The following MCMDC2 variants were observed in gnomAD, a reference collection of about 807,000 sequenced individuals.
MCMDC2 encodes the protein minichromosome maintenance domain-containing protein 2.
A neutral mutation model predicts 75.8 loss-of-function variants in MCMDC2; 54 were observed. The ratio of observed to expected loss-of-function variants is 0.71; its 90% CI spans 0.57 to 0.89. MCMDC2 has a LOEUF of 0.89. Ranked by LOEUF, MCMDC2 falls within the 40% of genes least tolerant of loss-of-function variation. MCMDC2 has a pLI of 0.00. For missense variants in MCMDC2, 656 were observed against 780.4 expected (o/e 0.84, Z 1.90); for synonymous variants, 249 against 274.6 (o/e 0.91, Z 0.92).
At chr8:66,881,108 A>G in intron 8 of MCMDC2, 134 bp downstream of exon 8, 1 of 666,580 alleles carries the variant, frequency 1.5e-6, no homozygotes, top group Non-Finnish European at 2.1e-6. Context: ...CAGGACAGTC[A>G]AGGTTTCTGT....
In MCMDC2 at chr8:66,883,942, G is replaced by A. The variant is rs1811712378; in HGVS notation, c.1021G>A (p.Glu341Lys). The A allele has an allele frequency of 1.2e-6, 2 of 1,613,950 alleles. No individual in the cohort carries two copies. The highest frequency in any genetic ancestry group is 2.2e-5 in the East Asian group (1 of 44,858). Residue 341 changes from glutamate to lysine, a missense_variant, in exon 9 of 15, where the codon GAA (glutamate) becomes AAA (lysine). Glu to Lys is a moderately conservative substitution (Grantham distance 56). Transcript: ENST00000422365. ...GACAACTGACCGTAACAAGGAACTG[G>A]AAGATTGCCTGGATATTTTAATTAT... Reference protein sequence around the residue: ...VQTTDRNKELEDCLDILIITS... With the variant: ...VQTTDRNKELKDCLDILIITS...
rs770549524 is a variant in MCMDC2 at position 66,896,823 on chromosome 8, T to C, written c.1490T>C (p.Leu497Ser). Residue 497 changes from leucine to serine, a missense_variant, in exon 12 of 15, where the codon TTA becomes TCA. Transcript: ENST00000422365. ...IPANLVEAFG[L>S]LINCNESSPC... ...GCTAACCTTGTGGAGGCATTTGGTT[T>C]ATTGATTAACTGCAACGAGTCATCT... The C allele has an allele frequency of 6.2e-7, 1 of 1,613,364 alleles. No homozygotes were observed.
Position 66,911,520 on chromosome 8 carries a change from T to C in MCMDC2, c.1879+6185T>C, listed in dbSNP as rs375898635. On this transcript the variant is annotated intron_variant, in intron 14 of 14. Transcript: ENST00000422365. ...TACGGTGACTATTTTGTCAAGACTTTCTTGAAGTATTTACTGAGGGAGGCC... is the reference window on the plus strand; with the variant it reads ...TACGGTGACTATTTTGTCAAGACTTCCTTGAAGTATTTACTGAGGGAGGCC... 9.2e-5 allele frequency among the ~76,000 whole-genome samples: 14 copies of C among 152,158 alleles called. No individual in the cohort carries two copies. The East Asian group carries it at 1.5e-3, about 17-fold the overall frequency.
intron 9 of MCMDC2, among the ~76,000 whole-genome samples, chr8:66,886,158 CTTTTTT>C (rs775562349): frequency 8.1e-6 from 1 of 123,442 alleles, no homozygotes; most frequent in Non-Finnish European, 1.7e-5. Flanking sequence ...ATATGTATAA[CTTTTTT>C]TTTTTTTTTT....
intron 13 of MCMDC2, among the ~76,000 whole-genome samples, chr8:66,902,709 AAAATATATATATATATATAT>A (rs1812738313): frequency 9.4e-6 from 1 of 106,190 alleles, no homozygotes; most frequent in Non-Finnish European, 1.8e-5. Flanking sequence ...AAAAAAAAAA[AAAATATATATATATATATAT>A]ATATATATAT....
chr8:66,905,772 C>T (rs150282720), intron 14 of MCMDC2, among the ~76,000 whole-genome samples: 20 of 152,044 alleles, frequency 1.3e-4, no homozygotes, highest in Admixed American at 3.9e-4. Context: ...CTTGGGAGGC[C>T]GAGACAGATG....
At chr8:66,911,542 G>T (rs747387292) in intron 14 of MCMDC2, among the ~76,000 whole-genome samples, 1 of 152,176 alleles carries the variant, frequency 6.6e-6, no homozygotes, top group Non-Finnish European at 1.5e-5. Flanking sequence ...TACTGAGGGA[G>T]GCCGAGCGTG....
At chr8:66,894,677 T>G (rs1001257414) in intron 10 of MCMDC2, among the ~76,000 whole-genome samples, 1 of 152,248 alleles carries the variant, frequency 6.6e-6, no homozygotes, top group African/African-American at 2.4e-5. Flanking sequence ...AAAATTTATG[T>G]CAATATAAAA....
In MCMDC2 at chr8:66,901,277, T is replaced by A. The variant is rs773131761; in HGVS notation, c.1698T>A (p.Tyr566Ter). 1 of 1,614,004 alleles carries A rather than the reference T, an allele frequency of 6.2e-7. No individual in the cohort carries two copies. The highest frequency in any genetic ancestry group is 1.3e-5 in the African/African-American group (1 of 74,938). Residue 566 changes from tyrosine to a stop codon, truncating the protein, a stop_gained, in exon 13 of 15, where the codon TAT (tyrosine) becomes TAA (stop). Transcript: ENST00000422365. LOFTEE classifies it high-confidence loss of function. ...LEAERMTHGYYLASRRIRTGS... is the reference protein window; with the variant it reads ...LEAERMTHGY ...CAGAAAGAATGACCCATGGCTATTA[T>A]CTAGCAAGTCGCAGAATCAGAACAG...
intron 4 of MCMDC2, among the ~76,000 whole-genome samples, chr8:66,874,852 G>A (rs970817696): frequency 3.3e-5 from 5 of 151,642 alleles, no homozygotes; most frequent in Admixed American, 1.3e-4. Context: ...TCTGCCTCCC[G>A]GGTTCAAACA....
Position 66,919,140 on chromosome 8 carries a change from G to C in MCMDC2, c.2017G>C (p.Gly673Arg). 1 of 1,547,300 alleles carries C rather than the reference G, an allele frequency of 6.5e-7. No homozygotes were observed. Among genetic ancestry groups the C allele is most frequent in the Non-Finnish European group, 8.7e-7 (1 of 1,145,598 alleles). ...LEQFIATYGPGTTIFSSDE is the reference protein window; with the variant it reads ...LEQFIATYGPRTTIFSSDE ...ACAATTTATTGCCACATATGGACCT[G>C]GGACAACTATTTTCTCTAGTGATGA... Residue 673 changes from glycine (G) to arginine (R), a missense_variant, in exon 15 of 15, where the codon GGG (glycine) becomes CGG (arginine). Coordinates refer to ENST00000422365, the MANE Select transcript of MCMDC2 (RefSeq NM_173518.5).
At chr8:66,917,268 T>G (rs545521253) in intron 14 of MCMDC2, among the ~76,000 whole-genome samples, 1 of 152,258 alleles carries the variant, frequency 6.6e-6, no homozygotes, top group African/African-American at 2.4e-5. Flanking sequence ...AGGCTGTTCT[T>G]ATGAGGCTCT....
rs898158257 is a variant in MCMDC2 at position 66,921,854 on chromosome 8, A to C, written c.*2685A>C. On this transcript the variant is annotated 3_prime_UTR_variant, in exon 15 of 15. Transcript: ENST00000422365. ...GAGAATCACCACCCATAAATAAGCTAATTATTGACAAGATTATAATCTTTC... is the reference window on the plus strand; with the variant it reads ...GAGAATCACCACCCATAAATAAGCTCATTATTGACAAGATTATAATCTTTC... 1 of 152,242 alleles carries C rather than the reference A, an allele frequency of 6.6e-6. No homozygotes were observed. Among genetic ancestry groups the C allele is most frequent in the Non-Finnish European group, 1.5e-5 (1 of 68,046 alleles). The allele number at this position is 152,242 out of a possible 1,614,324, so 9.4% of individuals were successfully genotyped here.
At chr8:66,922,441 A>G (rs575015035), downstream of MCMDC2, 1 of 512,420 alleles carries the variant, frequency 2.0e-6, no homozygotes, top group Non-Finnish European at 3.9e-6. Context: ...CCTTACATAC[A>G]TGTCAGTAAT....
chr8:66,887,376 T>G (rs1040857760), intron 9 of MCMDC2, among the ~76,000 whole-genome samples: 10 of 115,782 alleles, frequency 8.6e-5, no homozygotes, highest in Non-Finnish European at 1.4e-4. Flanking sequence ...CCGTCTCCAC[T>G]AAAAATACAA....
chr8:66,875,018 T>A (rs1185413302), intron 4 of MCMDC2, among the ~76,000 whole-genome samples: 1 of 152,144 alleles, frequency 6.6e-6, no homozygotes, highest in Non-Finnish European at 1.5e-5. Context: ...CACCCTGAAG[T>A]GCTGGGATTA....
At chr8:66,876,909 T>C (rs553946625) in intron 4 of MCMDC2, among the ~76,000 whole-genome samples, 105 of 151,970 alleles carry the variant, frequency 6.9e-4, no homozygotes, top group South Asian at 1.2e-3. Context: ...TACAGGCGCC[T>C]GCCATCACAC....
At chr8:66,904,824 C>A (rs1167403404) in intron 13 of MCMDC2, among the ~76,000 whole-genome samples, 11 of 152,168 alleles carry the variant, frequency 7.2e-5, no homozygotes, top group Admixed American at 7.2e-4. Context: ...ATTCCAAGAT[C>A]TCTTCCAATG....
intron 1 of MCMDC2, chr8:66,871,380 C>T (rs1274285743): frequency 1.3e-5 from 2 of 152,184 alleles, no homozygotes; most frequent in African/African-American, 4.8e-5. Context: ...CAGCATCCAC[C>T]CATACCCATA....
Sources: gnomAD v4.1 joint callset for allele counts (sites outside exome capture counted in the v4.1 genomes callset) on GRCh38, gnomAD v4.1.1 for gene constraint, MANE v1.5 for transcripts, NCBI Gene and HGNC (gene_info 2026-07-23, HGNC 2026-07-21) for gene names.